APPBP2: variants seen among roughly 807,000 people sequenced by gnomAD.
APPBP2 encodes the protein amyloid protein-binding protein 2.
A neutral mutation model predicts 76.0 loss-of-function variants in APPBP2; 15 were observed. The ratio of observed to expected loss-of-function variants is 0.20; its 90% CI spans 0.13 to 0.30. The LOEUF is 0.30. APPBP2 is among the 10% of genes least tolerant of loss of function. The probability of loss-of-function intolerance (pLI) is 1.00; values close to 1 mark genes in which losing one functional copy is unlikely to be tolerated. For missense variants in APPBP2, 401 were observed against 687.2 expected, an observed-to-expected ratio of 0.58 and a Z score of 4.66; for synonymous variants, 222 against 242.2, an observed-to-expected ratio of 0.92 and a Z score of 0.77.
In APPBP2 at chr17:60,518,345, CCGTGTGTGCGTG is replaced by C. The variant is rs1274585934; in HGVS notation, c.138+7437_138+7448del. Among the ~76,000 whole-genome samples the C allele has an allele frequency of 3.9e-3, 541 of 136,970 alleles. 58 individuals are homozygous for C. Among genetic ancestry groups the C allele is most frequent in the African/African-American group, 0.017 (516 of 30,378 alleles). 89.9% of individuals were successfully genotyped at this position (136,970 alleles called of 152,430 possible). The stretch of plus-strand genomic sequence containing the variant: ...TACAGGCATGAGCTACCATGCCCAG[CCGTGTGTGCGTG>C]CGTGTGTGTGTGTGTGTGTGTGTGT... On this transcript the variant is annotated intron_variant, in intron 1 of 12. Coordinates refer to ENST00000083182, the MANE Select transcript of APPBP2 (RefSeq NM_006380.5).
At chr17:60,460,838 T>G in intron 8 of APPBP2, 51 bp from the exon 9 acceptor site, 2 of 1,568,816 alleles carry the variant, frequency 1.3e-6, no homozygotes, top group Non-Finnish European at 1.7e-6. Context: ...TACCACCTAG[T>G]TAAATTAAAC....
Position 60,526,144 on chromosome 17 carries a change from A to C in APPBP2, c.-213T>G, listed in dbSNP as rs1478308381. Reference sequence around the variant, plus strand: ...GGCCCGAGTAAAAAGTGGGACAGAAAACAGCGGCCAGCCAGGCCAAAAGCG... The same window carrying C: ...GGCCCGAGTAAAAAGTGGGACAGAACACAGCGGCCAGCCAGGCCAAAAGCG... On this transcript the variant is annotated 5_prime_UTR_variant, in exon 1 of 13. Transcript: ENST00000083182. 5.3e-6 allele frequency: 3 copies of C among 562,834 alleles called. No homozygotes were observed. In the East Asian group the frequency reaches 9.2e-5, roughly 17 times the overall value. 34.9% of individuals were successfully genotyped at this position (562,834 alleles called of 1,614,324 possible). A position where few individuals can be genotyped will look rare whatever the true frequency, so the allele number is the denominator to read the frequency against.
At position 60,466,287 on chromosome 17, in the gene APPBP2, T is replaced by C. The variant is rs1341706541; in HGVS notation, c.672+4A>G. 2 of 1,612,848 alleles carry C rather than the reference T, an allele frequency of 1.2e-6. No homozygotes were observed. The highest frequency in any genetic ancestry group is 1.7e-6 in the Non-Finnish European group (2 of 1,179,306). On this transcript the variant is annotated splice_donor_region_variant and intron_variant, in intron 5 of 12. Transcript: ENST00000083182. The stretch of plus-strand genomic sequence containing the variant: ...CACAGTGAAATGTACCTTAAAACAC[T>C]TACCTCATCATAGTGACTTTTTGCA...
At chr17:60,511,875 T>C (rs2090916400) in intron 1 of APPBP2, among the ~76,000 whole-genome samples, 1 of 152,234 alleles carries the variant, frequency 6.6e-6, no homozygotes, top group East Asian at 1.9e-4. Context: ...CTCTATTATA[T>C]AAAGATATAT....
chr17:60,513,503 G>T, intron 1 of APPBP2: 1 of 549,682 alleles, frequency 1.8e-6, no homozygotes. Context: ...AGGAGGAACA[G>T]CTGAAGCTTC....
At chr17:60,457,297 G>C (rs951239973) in intron 9 of APPBP2, among the ~76,000 whole-genome samples, 1 of 152,036 alleles carries the variant, frequency 6.6e-6, no homozygotes, top group Admixed American at 6.6e-5. Context: ...ACAATGCCAA[G>C]CCTCCCTCTC....
At chr17:60,455,113 T>C (rs573426659) in intron 10 of APPBP2, among the ~76,000 whole-genome samples, 147 of 152,252 alleles carry the variant, frequency 9.7e-4, no homozygotes, top group Non-Finnish European at 1.7e-3. Context: ...CACTGTAGCA[T>C]TTTTTAAAAA....
intron 12 of APPBP2, 113 bp from the exon 13 acceptor site, chr17:60,447,947 T>A: frequency 1.0e-6 from 1 of 970,266 alleles, no homozygotes; most frequent in Non-Finnish European, 1.5e-6. Context: ...TTAGGTTTAT[T>A]CCCCTGAAAG....
intron 3 of APPBP2, among the ~76,000 whole-genome samples, chr17:60,493,316 A>G (rs575155028): frequency 2.0e-4 from 30 of 152,208 alleles, no homozygotes; most frequent in Non-Finnish European, 4.1e-4. Context: ...CTGTCTCAAA[A>G]TAAAATAATA....
chr17:60,468,495 C>A (rs1212244731), intron 4 of APPBP2: 1 of 152,204 alleles, frequency 6.6e-6, no homozygotes, highest in Non-Finnish European at 1.5e-5. Flanking sequence ...TGTAAGTATT[C>A]TCCTGAAATA....
chr17:60,486,994 TTTTC>T (rs1394910711), intron 3 of APPBP2, among the ~76,000 whole-genome samples: 2 of 152,222 alleles, frequency 1.3e-5, no homozygotes, highest in Non-Finnish European at 2.9e-5. Context: ...TTGAAAATTC[TTTTC>T]TTTAAGAATG....
At chr17:60,460,562 C>CA (rs1365174374) in intron 9 of APPBP2, 101 bp downstream of exon 9, 52 of 1,187,298 alleles carry the variant, frequency 4.4e-5, no homozygotes, top group Middle Eastern at 2.0e-4. Context: ...TAAAGTATAT[C>CA]AAGTACTATT....
intron 4 of APPBP2, among the ~76,000 whole-genome samples, chr17:60,470,514 C>T (rs2090544445): frequency 6.6e-6 from 1 of 152,182 alleles, no homozygotes; most frequent in African/African-American, 2.4e-5. Flanking sequence ...AATCCTTCTG[C>T]CTCAGCCTCC....
At chr17:60,462,148 G>A (rs1183656352) in intron 6 of APPBP2, 87 bp from the exon 7 acceptor site, 2 of 1,027,432 alleles carry the variant, frequency 1.9e-6, no homozygotes, top group East Asian at 2.4e-5. Context: ...GGCTATAAGA[G>A]TTAATAAGAA....
At chr17:60,482,944 C>T (rs2090642530) in intron 3 of APPBP2, among the ~76,000 whole-genome samples, 1 of 152,054 alleles carries the variant, frequency 6.6e-6, no homozygotes, top group African/African-American at 2.4e-5. Flanking sequence ...GGGTATATAC[C>T]CAGTAATGGG....
At chr17:60,489,313 ATTCTAAGAT>A in intron 3 of APPBP2, among the ~76,000 whole-genome samples, 1 of 147,942 alleles carries the variant, frequency 6.8e-6, no homozygotes, top group Non-Finnish European at 1.5e-5. Context: ...ACAAAGAATT[ATTCTAAGAT>A]TAAACAGGCC....
At chr17:60,470,032 T>G (rs2143347278) in intron 4 of APPBP2, among the ~76,000 whole-genome samples, 1 of 152,120 alleles carries the variant, frequency 6.6e-6, no homozygotes, top group East Asian at 1.9e-4. Flanking sequence ...TTTTTTCAAA[T>G]GCTCTCTCAG....
rs1352093003 is a variant in APPBP2 at position 60,500,408 on chromosome 17, A to G, written c.218T>C (p.Leu73Ser). ...LEVFAKVLRA[L>S]DKRHLLHHCF... The stretch of plus-strand genomic sequence containing the variant: ...TTAAAAAAGAATTTACCTTTTATCC[A>G]AAGCTCTCAGTACTTTAGCAAAAAC... Residue 73 changes from leucine (L) to serine (S), a missense_variant, in exon 2 of 13, where the codon TTG (leucine) becomes TCG (serine). Leu to Ser is a moderately radical substitution (Grantham distance 145). This residue lies in a region of APPBP2 where 149 missense variants were observed against 198.4 expected (regional missense o/e 0.75). Coordinates refer to ENST00000083182, the MANE Select transcript of APPBP2 (RefSeq NM_006380.5). 4.4e-6 allele frequency: 7 copies of G among 1,600,994 alleles called. No homozygotes were observed. In the East Asian group the frequency reaches 6.7e-5, roughly 15 times the overall value.
chr17:60,465,699 C>G (rs1297606270), intron 5 of APPBP2, among the ~76,000 whole-genome samples: 1 of 152,086 alleles, frequency 6.6e-6, no homozygotes. Context: ...AAGATCCTGT[C>G]TCAAAAACTA....
Sources: gnomAD v4.1 joint callset for allele counts (sites outside exome capture counted in the v4.1 genomes callset) on GRCh38, gnomAD v4.1.1 for gene constraint, gnomAD v4.1.1 regional missense constraint, MANE v1.5 for transcripts, NCBI Gene and HGNC (gene_info 2026-07-23, HGNC 2026-07-21) for gene names.